Variants in SLC8A3 observed in about 807,000 individuals in gnomAD.
SLC8A3 encodes the protein sodium/calcium exchanger 3.
In SLC8A3, 37 loss-of-function variants were observed where a neutral mutation model predicts 65.4. That is an observed-to-expected ratio of 0.57 (90% CI 0.44 to 0.74). The LOEUF is 0.74. Ranked by LOEUF, SLC8A3 falls within the 30% of genes least tolerant of loss-of-function variation. The pLI is 0.00. For missense variants in SLC8A3, 1,112 were observed against 1,172.1 expected, an observed-to-expected ratio of 0.95 and a Z score of 0.75; for synonymous variants, 461 against 444.5, an observed-to-expected ratio of 1.04 and a Z score of -0.47.
intron 2 of SLC8A3, among the ~76,000 whole-genome samples, chr14:70,132,556 C>T (rs745795078): frequency 1.4e-4 from 21 of 152,252 alleles, no homozygotes; most frequent in Admixed American, 7.8e-4. Context: ...GCTCTGGCTG[C>T]GGTGACCTGC....
chr14:70,120,434 C>T (rs891573544), intron 2 of SLC8A3, among the ~76,000 whole-genome samples: 1 of 152,218 alleles, frequency 6.6e-6, no homozygotes, highest in South Asian at 2.1e-4. Context: ...CAACCACTTA[C>T]ATTCTGCTAA....
chr14:70,132,031 A>C (rs950948436), intron 2 of SLC8A3, among the ~76,000 whole-genome samples: 1 of 152,232 alleles, frequency 6.6e-6, no homozygotes, highest in Non-Finnish European at 1.5e-5. Flanking sequence ...GCAAAGCAAG[A>C]ACCTGCAGAC....
chr14:70,088,914 T>C (rs758838093), intron 2 of SLC8A3, among the ~76,000 whole-genome samples: 24 of 152,182 alleles, frequency 1.6e-4, no homozygotes, highest in Non-Finnish European at 2.9e-4. Context: ...TTTTCTTTTT[T>C]TCATTCCCTG....
In SLC8A3 at chr14:70,048,805, G is replaced by A; in HGVS notation, c.2351C>T (p.Thr784Ile). The A allele has an allele frequency of 6.2e-7, 1 of 1,614,108 alleles. No individual in the cohort carries two copies. Among genetic ancestry groups the A allele is most frequent in the Non-Finnish European group, 8.5e-7 (1 of 1,180,002 alleles). Residue 784 changes from threonine (T) to isoleucine (I), a missense_variant, in exon 6 of 7, where the codon ACA (threonine) becomes ATA (isoleucine). Thr to Ile is a moderately conservative substitution (Grantham distance 89). Coordinates refer to ENST00000356921, the MANE Select transcript of SLC8A3 (RefSeq NM_182932.3). ...GCCAAATGCCACGAAAACAACAGCT[G>A]TGACTGAATCTTTGAGACCAATGGT... Reference protein sequence around the residue: ...GCTIGLKDSVTAVVFVAFGTS... With the variant: ...GCTIGLKDSVIAVVFVAFGTS...
At chr14:70,115,134 G>C (rs1030226776) in intron 2 of SLC8A3, among the ~76,000 whole-genome samples, 1 of 152,180 alleles carries the variant, frequency 6.6e-6, no homozygotes, top group African/African-American at 2.4e-5. Context: ...AGATGAAGGA[G>C]CTGAGGCCCC....
rs1566744136 is a variant in SLC8A3, at chr14:70,060,923, TAACCCTTATGGTTTTCCTGTAGGGAC to T, written c.1785-10_1800del. On this transcript the variant is annotated splice_acceptor_variant and splice_polypyrimidine_tract_variant and coding_sequence_variant and intron_variant, in exon 3 of 7. Transcript: ENST00000356921. LOFTEE classifies it high-confidence loss of function. ...TCGTATTCCTCCTCATCTACTATTT[TAACCCTTATGGTTTTCCTGTAGGGAC>T]AACAAGAGAGAGAGTGTGTCGACTG... The T allele has an allele frequency of 6.7e-7, 1 of 1,503,542 alleles. No individual in the cohort carries two copies. Among genetic ancestry groups the T allele is most frequent in the Admixed American group, 2.2e-5 (1 of 44,570 alleles). 93.1% of individuals were successfully genotyped at this position (1,503,542 alleles called of 1,614,324 possible). A position where few individuals can be genotyped will look rare whatever the true frequency, so the allele number is the denominator to read the frequency against.
chr14:70,092,616 C>T (rs536528243), intron 2 of SLC8A3, among the ~76,000 whole-genome samples: 14 of 152,286 alleles, frequency 9.2e-5, no homozygotes, highest in African/African-American at 3.1e-4. Context: ...GCCTATCTCT[C>T]CCACAGAATG....
chr14:70,080,886 G>C (rs919126484), intron 2 of SLC8A3, among the ~76,000 whole-genome samples: 1 of 152,166 alleles, frequency 6.6e-6, no homozygotes, highest in Non-Finnish European at 1.5e-5. Context: ...GTGGCCTGGT[G>C]AAGTGGGATT....
At chr14:70,139,194 G>A (rs1895408504) in intron 2 of SLC8A3, among the ~76,000 whole-genome samples, 1 of 152,130 alleles carries the variant, frequency 6.6e-6, no homozygotes, top group Non-Finnish European at 1.5e-5. Context: ...AGAGAAGGAG[G>A]GGTGCCTGAG....
chr14:70,053,962 C>T (rs1021706079), intron 3 of SLC8A3, among the ~76,000 whole-genome samples: 1 of 152,308 alleles, frequency 6.6e-6, no homozygotes, highest in South Asian at 2.1e-4. Flanking sequence ...TATAAGTCTT[C>T]AATTTAGAGG....
chr14:70,177,360 C>A (rs965120165), intron 1 of SLC8A3, among the ~76,000 whole-genome samples: 3 of 152,160 alleles, frequency 2.0e-5, no homozygotes, highest in Admixed American at 2.0e-4. Context: ...AAAATATAAT[C>A]CCTCTAGAGA....
rs75116349 is a variant in SLC8A3, at chr14:70,118,386, C to A, written c.1784+48253G>T. Among the ~76,000 whole-genome samples the A allele has an allele frequency of 3.8e-3, 578 of 152,300 alleles. 3 individuals carry two copies. Among genetic ancestry groups the A allele is most frequent in the African/African-American group, 0.013 (539 of 41,578 alleles). ...CTGGAAGAAAACGTGAACAAGAACC[C>A]TTTACACCAGAGGAACCTACCCAAA... On this transcript the variant is annotated intron_variant, in intron 2 of 6. Transcript: ENST00000356921.
intron 2 of SLC8A3, among the ~76,000 whole-genome samples, chr14:70,109,432 T>C (rs1219969548): frequency 1.4e-5 from 2 of 138,402 alleles, no homozygotes; most frequent in East Asian, 2.1e-4. Context: ...TGTATATATA[T>C]ACATGTATAT....
At chr14:70,067,657 G>T (rs886289242) in intron 2 of SLC8A3, among the ~76,000 whole-genome samples, 17 of 152,160 alleles carry the variant, frequency 1.1e-4, no homozygotes, top group Admixed American at 2.0e-4. Flanking sequence ...ATATTTTGAA[G>T]GCTACTTTCA....
At chr14:70,076,365 G>A (rs10130363) in intron 2 of SLC8A3, among the ~76,000 whole-genome samples, 1 of 152,164 alleles carries the variant, frequency 6.6e-6, no homozygotes, top group African/African-American at 2.4e-5. Context: ...AGCTCCATGA[G>A]AGCAGGAACC....
intron 1 of SLC8A3, among the ~76,000 whole-genome samples, chr14:70,171,128 G>A (rs748522743): frequency 6.6e-6 from 1 of 152,150 alleles, no homozygotes; most frequent in African/African-American, 2.4e-5. Flanking sequence ...CCCATGCAGC[G>A]ATGACAGATG....
At chr14:70,177,497 T>C (rs1452236465) in intron 1 of SLC8A3, among the ~76,000 whole-genome samples, 1 of 152,186 alleles carries the variant, frequency 6.6e-6, no homozygotes, top group Non-Finnish European at 1.5e-5. Context: ...CCTCTTGGGA[T>C]CACTGGGGCC....
chr14:70,117,633 T>C (rs1893756342), intron 2 of SLC8A3, among the ~76,000 whole-genome samples: 1 of 152,208 alleles, frequency 6.6e-6, no homozygotes, highest in Admixed American at 6.5e-5. Context: ...CTTTGACATC[T>C]GGGGCATTGC....
chr14:70,067,478 C>A (rs987758663), intron 2 of SLC8A3, among the ~76,000 whole-genome samples: 1 of 152,210 alleles, frequency 6.6e-6, no homozygotes, highest in African/African-American at 2.4e-5. Flanking sequence ...AAGTTCTTGT[C>A]TATCTGACTT....
Sources: gnomAD v4.1 joint callset for allele counts (sites outside exome capture counted in the v4.1 genomes callset) on GRCh38, gnomAD v4.1.1 for gene constraint, MANE v1.5 for transcripts, NCBI Gene and HGNC (gene_info 2026-07-23, HGNC 2026-07-21) for gene names.